STIM2: variants seen among roughly 807,000 people sequenced by gnomAD.
The protein encoded by STIM2 is stromal interaction molecule 2.
STIM2 carries 31 observed loss-of-function variants against 85.8 expected under a neutral mutation model. The ratio of observed to expected loss-of-function variants is 0.36; its 90% CI spans 0.27 to 0.49. STIM2 has a LOEUF of 0.49. Among genes scored for constraint, STIM2 ranks in the 20% least tolerant of loss-of-function variants. STIM2 has a pLI of 0.98. For missense variants in STIM2, 841 were observed against 927.6 expected (o/e 0.91, Z 1.21); for synonymous variants, 356 against 331.1 (o/e 1.08, Z -0.82).
chr4:26,974,339 T>C (rs1727097421), intron 3 of STIM2, among the ~76,000 whole-genome samples: 1 of 152,254 alleles, frequency 6.6e-6, no homozygotes, highest in Non-Finnish European at 1.5e-5. Flanking sequence ...TGATGGTCTT[T>C]ACAATTTGGC....
At chr4:26,868,035 A>C (rs1282035322) in intron 1 of STIM2, among the ~76,000 whole-genome samples, 2 of 152,232 alleles carry the variant, frequency 1.3e-5, no homozygotes, top group Non-Finnish European at 2.9e-5. Flanking sequence ...TCATGGCTGC[A>C]GTCCCGAGAG....
In STIM2 at chr4:26,901,679, G is replaced by A. The variant is rs182654399; in HGVS notation, c.152-17825G>A. Among the ~76,000 whole-genome samples the A allele has an allele frequency of 1.4e-3, 211 of 152,188 alleles. 1 individual carries two copies. Among genetic ancestry groups the A allele is most frequent in the African/African-American group, 4.8e-3 (201 of 41,518 alleles). On this transcript the variant is annotated intron_variant, in intron 1 of 11. Coordinates refer to ENST00000467087, the MANE Select transcript of STIM2 (RefSeq NM_020860.4). ...AATTTATTCACAGGAACCCATGAGG[G>A]TGAATATTTTATGCTAATTTTGTGG...
At chr4:26,868,468 T>A (rs1191035384) in intron 1 of STIM2, among the ~76,000 whole-genome samples, 3 of 152,224 alleles carry the variant, frequency 2.0e-5, no homozygotes. Context: ...TAAAAAATGC[T>A]TGAAATGAAT....
chr4:26,866,390 G>A (rs190471288), intron 1 of STIM2, among the ~76,000 whole-genome samples: 44 of 152,236 alleles, frequency 2.9e-4, no homozygotes, highest in Non-Finnish European at 4.7e-4. Context: ...AACAACATGC[G>A]ATGGATTGTG....
chr4:26,940,803 A>G (rs1480200899), intron 2 of STIM2, among the ~76,000 whole-genome samples: 1 of 152,178 alleles, frequency 6.6e-6, no homozygotes, highest in Non-Finnish European at 1.5e-5. Context: ...CCCATAGTCC[A>G]GTGGTCTCAA....
chr4:26,951,631 C>G (rs767418154), intron 2 of STIM2, among the ~76,000 whole-genome samples: 1 of 152,038 alleles, frequency 6.6e-6, no homozygotes, highest in Non-Finnish European at 1.5e-5. Flanking sequence ...GTAACCTCAT[C>G]TTTGCTGGTA....
intron 1 of STIM2, among the ~76,000 whole-genome samples, chr4:26,871,122 A>G (rs1722595394): frequency 1.3e-5 from 2 of 152,334 alleles, no homozygotes; most frequent in South Asian, 4.1e-4. Context: ...TTCGCAGTGC[A>G]GCAGCATCCA....
intron 1 of STIM2, among the ~76,000 whole-genome samples, chr4:26,867,043 CAG>C (rs992505605): frequency 3.9e-5 from 6 of 151,994 alleles, no homozygotes; most frequent in Middle Eastern, 3.2e-3. Flanking sequence ...GAGGAGATAA[CAG>C]AGATAAGGAT....
chr4:27,001,553 G>T (rs1348330344), intron 5 of STIM2, among the ~76,000 whole-genome samples: 10 of 152,120 alleles, frequency 6.6e-5, no homozygotes, highest in Non-Finnish European at 1.0e-4. Context: ...TTTGTCATCC[G>T]CAGAGGGGAC....
At chr4:26,919,288 T>C (rs1442843496) in intron 1 of STIM2, among the ~76,000 whole-genome samples, 3 of 152,294 alleles carry the variant, frequency 2.0e-5, no homozygotes, top group East Asian at 1.9e-4. Context: ...TGGTTGTAGT[T>C]GCCTGATGTT....
chr4:26,866,951 A>T (rs1018927329), intron 1 of STIM2, among the ~76,000 whole-genome samples: 3 of 152,108 alleles, frequency 2.0e-5, no homozygotes, highest in Non-Finnish European at 4.4e-5. Context: ...TGTCATTAGG[A>T]GGTGAGAGGC....
intron 1 of STIM2, among the ~76,000 whole-genome samples, chr4:26,907,571 T>C (rs1230467584): frequency 6.6e-6 from 1 of 152,220 alleles, no homozygotes; most frequent in African/African-American, 2.4e-5. Flanking sequence ...CATTTTCTGC[T>C]TTGATGTTTT....
At chr4:26,876,229 A>G (rs1171062216) in intron 1 of STIM2, among the ~76,000 whole-genome samples, 3 of 152,204 alleles carry the variant, frequency 2.0e-5, no homozygotes, top group African/African-American at 7.2e-5. Flanking sequence ...CACTTCAGTA[A>G]CAGGGTATTG....
intron 1 of STIM2, among the ~76,000 whole-genome samples, chr4:26,885,861 A>ATATATATATATATATATG (rs1723220982): frequency 1.3e-5 from 1 of 77,734 alleles, no homozygotes; most frequent in African/African-American, 5.6e-5. Context: ...ATATATATAT[A>ATATATATATATATATATG]TATATATATA....
rs372691474 is a variant in STIM2 at position 26,995,435 on chromosome 4, C to G, written c.454C>G (p.Pro152Ala). The stretch of plus-strand genomic sequence containing the variant: ...GTGGTTGATAGAGTTTGTTGAACTA[C>G]CCCAATATGAGAAGAATTTTAGAGA... Residue 152 changes from proline to alanine, a missense_variant, in exon 4 of 12, where the codon CCC becomes GCC. This residue lies in a region of STIM2 where 408 missense variants were observed against 525.4 expected (regional missense o/e 0.78). Coordinates refer to ENST00000467087, the MANE Select transcript of STIM2 (RefSeq NM_020860.4). 61 of 1,603,512 alleles carry G rather than the reference C, an allele frequency of 3.8e-5. 1 individual carries two copies. In the East Asian group the frequency reaches 7.3e-4, roughly 19 times the overall value.
chr4:26,861,113 C>T lies in STIM2; in HGVS notation c.-106C>T. 1 of 1,205,636 alleles carries T rather than the reference C, an allele frequency of 8.3e-7. No homozygotes were observed. The highest frequency in any genetic ancestry group is 3.7e-5 in the South Asian group (1 of 26,938). The allele number at this position is 1,205,636 out of a possible 1,614,324, so 74.7% of individuals were successfully genotyped here. ...GCGGAGCCGGCGAGCTGCAGGCGGC[C>T]GGGGCGCCGCTGCGCTTTCACCCGG... On this transcript the variant is annotated 5_prime_UTR_variant, in exon 1 of 12. Coordinates refer to ENST00000467087, the MANE Select transcript of STIM2 (RefSeq NM_020860.4).
chr4:26,878,489 C>G (rs1258771645), intron 1 of STIM2, among the ~76,000 whole-genome samples: 1 of 152,150 alleles, frequency 6.6e-6, no homozygotes, highest in Non-Finnish European at 1.5e-5. Context: ...AGCAGTGGAT[C>G]TTTGCCTGGG....
chr4:26,928,033 A>T (rs1247907975), intron 2 of STIM2, among the ~76,000 whole-genome samples: 13 of 151,800 alleles, frequency 8.6e-5, no homozygotes, highest in Admixed American at 8.5e-4. Context: ...AGGTTTGGTG[A>T]TTCTGATTTC....
At chr4:26,889,563 A>G (rs1286475760) in intron 1 of STIM2, among the ~76,000 whole-genome samples, 1 of 152,208 alleles carries the variant, frequency 6.6e-6, no homozygotes, top group Non-Finnish European at 1.5e-5. Flanking sequence ...GCAGTGGTCC[A>G]ATATAATCAG....
Sources: allele counts gnomAD v4.1 joint callset (sites outside exome capture counted in the v4.1 genomes callset), GRCh38; gene constraint gnomAD v4.1.1; regional missense constraint gnomAD v4.1.1; transcripts MANE v1.5; gene names NCBI Gene and HGNC (gene_info 2026-07-23, HGNC 2026-07-21).